ALKBH5: variants seen among roughly 807,000 people sequenced by gnomAD.
ALKBH5 encodes the protein RNA demethylase ALKBH5.
In ALKBH5, 2 loss-of-function variants were observed where a neutral mutation model predicts 32.1. The observed-to-expected ratio is 0.06, with a 90% CI of 0.03 to 0.20. The LOEUF is 0.20. Ranked by LOEUF, ALKBH5 falls within the 10% of genes least tolerant of loss-of-function variation. ALKBH5 has a pLI of 1.00. For missense variants in ALKBH5, 352 were observed against 559.5 expected, an observed-to-expected ratio of 0.63 and a Z score of 3.74; for synonymous variants, 300 against 231.7, an observed-to-expected ratio of 1.29 and a Z score of -2.68.
Position 18,208,435 on chromosome 17 carries a change from T to A in ALKBH5, c.*39T>A. ...CCTCCTGGGAACTCTGGCTCATCCT[T>A]ACGTAGTTGCCCCTCCTTTTGTTTT... On this transcript the variant is annotated 3_prime_UTR_variant, in exon 4 of 4. Transcript: ENST00000399138. The A allele has an allele frequency of 6.2e-7, 1 of 1,603,598 alleles. No individual in the cohort carries two copies.
rs201150139 is a variant in ALKBH5, at chr17:18,192,854, C to CTTT, written c.771-2080_771-2078dup. ...GTAGACATTCGTCCACTGTCTTTTT[C>CTTT]TTTTTTTTTTTTTTTTTTTTTTTGA... On this transcript the variant is annotated intron_variant, in intron 1 of 3. Transcript: ENST00000399138. 2.1e-3 allele frequency among the ~76,000 whole-genome samples: 241 copies of CTTT among 115,572 alleles called. 1 individual carries two copies. The highest frequency in any genetic ancestry group is 2.6e-3 in the Non-Finnish European group (154 of 58,416). The allele number at this position is 115,572 out of a possible 152,430, so 75.8% of individuals were successfully genotyped here. A position where few individuals can be genotyped will look rare whatever the true frequency, so the allele number is the denominator to read the frequency against.
At chr17:18,193,046 C>T (rs1489391181) in intron 1 of ALKBH5, among the ~76,000 whole-genome samples, 5 of 151,614 alleles carry the variant, frequency 3.3e-5, no homozygotes, top group South Asian at 2.1e-4. Context: ...TTTGTAGAGA[C>T]GGGGTTTCAC....
intron 2 of ALKBH5, among the ~76,000 whole-genome samples, chr17:18,198,023 T>G (rs536696240): frequency 1.8e-4 from 28 of 152,166 alleles, no homozygotes; most frequent in Non-Finnish European, 3.8e-4. Flanking sequence ...TGGGCATACC[T>G]TCTCATCTAA....
Position 18,206,958 on chromosome 17 carries a change from A to G in ALKBH5, c.995A>G (p.Asp332Gly). 6.2e-7 allele frequency: 1 copy of G among 1,614,228 alleles called. No homozygotes were observed. ...PKRSHRKADP[D>G]AAHRPRILEM... ...CGGTCCCACCGCAAGGCAGACCCTG[A>G]TGCTGCCCACAGGTACTCAGTTTAG... The change falls in exon 3 of 4, where the codon GAT becomes GGT. Residue 332 changes from aspartate to glycine, a missense_variant. Asp to Gly is a moderately conservative substitution (Grantham distance 94, BLOSUM62 -1). Around this residue, in one of 4 missense-constraint regions of ALKBH5, gnomAD observed 124 missense variants for 142.4 expected, o/e 0.87. Transcript: ENST00000399138.
At chr17:18,188,265 G>A (rs2047151577) in intron 1 of ALKBH5, among the ~76,000 whole-genome samples, 2 of 152,236 alleles carry the variant, frequency 1.3e-5, no homozygotes, top group Admixed American at 6.5e-5. Flanking sequence ...AAGGCTAATT[G>A]CTTACTTGCT....
chr17:18,208,520 T>C lies in ALKBH5; in HGVS notation c.*124T>C. On this transcript the variant is annotated 3_prime_UTR_variant, in exon 4 of 4. Coordinates refer to ENST00000399138, the MANE Select transcript of ALKBH5 (RefSeq NM_017758.4). ...TTTTTTGTTTTTTGTTTTTTTTGAT[T>C]CTATATATTTTTCCTTGGTTTTGTT... The C allele has an allele frequency of 2.6e-6, 3 of 1,168,012 alleles. No homozygotes were observed. Among genetic ancestry groups the C allele is most frequent in the South Asian group, 1.4e-5 (1 of 73,666 alleles). 72.4% of individuals were successfully genotyped at this position (1,168,012 alleles called of 1,614,324 possible). A position where few individuals can be genotyped will look rare whatever the true frequency, so the allele number is the denominator to read the frequency against.
At chr17:18,207,006 A>G (rs749528202) in intron 3 of ALKBH5, 36 bp downstream of exon 3, 4 of 1,605,240 alleles carry the variant, frequency 2.5e-6, no homozygotes, top group Non-Finnish European at 3.4e-6. Context: ...AGGCTGGCAA[A>G]GGCCTGGCTG....
chr17:18,198,545 A>G (rs750905013), intron 2 of ALKBH5, among the ~76,000 whole-genome samples: 1 of 152,192 alleles, frequency 6.6e-6, no homozygotes, highest in Non-Finnish European at 1.5e-5. Context: ...GTTGTGTTAC[A>G]GTGGGTAGAA....
rs1406160514 is a variant in ALKBH5 at position 18,185,130 on chromosome 17, T to C, written c.770+117T>C. 4.1e-6 allele frequency: 6 copies of C among 1,477,158 alleles called. No individual in the cohort carries two copies. In the African/African-American group the frequency reaches 8.4e-5, roughly 21 times the overall value. 91.5% of individuals were successfully genotyped at this position (1,477,158 alleles called of 1,614,324 possible). On this transcript the variant is annotated intron_variant, in intron 1 of 3. Coordinates refer to ENST00000399138, the MANE Select transcript of ALKBH5 (RefSeq NM_017758.4). The stretch of plus-strand genomic sequence containing the variant: ...TTTTTACAGTTCTGACCAGTTCTTC[T>C]GTTTGTAGATTGTAGGGAGCGAGAG...
chr17:18,206,283 T>G (rs1221578721), intron 2 of ALKBH5, among the ~76,000 whole-genome samples: 1 of 152,180 alleles, frequency 6.6e-6, no homozygotes. Context: ...CTGCTCATGG[T>G]TGTGGAGTGG....
In ALKBH5 at chr17:18,208,933, T is replaced by G. The variant is rs892024400; in HGVS notation, c.*537T>G. ...CCCTGCAAGCTCATGCAAACACCCT[T>G]TCTTCCTCCTGCGGCAGAGTTGTTC... On this transcript the variant is annotated 3_prime_UTR_variant, in exon 4 of 4. Coordinates refer to ENST00000399138, the MANE Select transcript of ALKBH5 (RefSeq NM_017758.4). 1 of 206,682 alleles carries G rather than the reference T, an allele frequency of 4.8e-6. No individual in the cohort carries two copies. Among genetic ancestry groups the G allele is most frequent in the East Asian group, 1.3e-4 (1 of 7,428 alleles). The allele number at this position is 206,682 out of a possible 1,614,324, so 12.8% of individuals were successfully genotyped here.
chr17:18,194,415 A>G (rs2047194775), intron 1 of ALKBH5, among the ~76,000 whole-genome samples: 1 of 152,192 alleles, frequency 6.6e-6, no homozygotes, highest in Non-Finnish European at 1.5e-5. Flanking sequence ...CGGCCTCCCA[A>G]AGTGCTAGGA....
intron 1 of ALKBH5, among the ~76,000 whole-genome samples, chr17:18,187,708 G>A (rs921832981): frequency 2.0e-5 from 3 of 152,134 alleles, no homozygotes; most frequent in Non-Finnish European, 4.4e-5. Context: ...AGTGCCCGTC[G>A]TCAAATCCTG....
At chr17:18,202,443 G>A (rs1393546338) in intron 2 of ALKBH5, among the ~76,000 whole-genome samples, 1 of 152,198 alleles carries the variant, frequency 6.6e-6, no homozygotes, top group African/African-American at 2.4e-5. Context: ...CCTGAGCTTT[G>A]TGGGAGTCTG....
chr17:18,199,245 G>A (rs1031954726), intron 2 of ALKBH5, among the ~76,000 whole-genome samples: 2 of 152,178 alleles, frequency 1.3e-5, no homozygotes, highest in African/African-American at 2.4e-5. Context: ...CCAGCCGACC[G>A]AGGGCAAGCT....
At chr17:18,201,786 G>GATAGATTA (rs200689873) in intron 2 of ALKBH5, among the ~76,000 whole-genome samples, 2 of 84,376 alleles carry the variant, frequency 2.4e-5, no homozygotes, top group African/African-American at 5.3e-5. Context: ...TAGATAGATA[G>GATAGATTA]GATAGATAAG....
intron 1 of ALKBH5, among the ~76,000 whole-genome samples, chr17:18,185,379 A>G (rs936663048): frequency 3.4e-5 from 5 of 145,512 alleles, no homozygotes; most frequent in Non-Finnish European, 7.6e-5. Flanking sequence ...TTCCATTTAC[A>G]AATCTATGCT....
intron 1 of ALKBH5, among the ~76,000 whole-genome samples, chr17:18,193,308 G>A (rs2047188075): frequency 6.6e-6 from 1 of 152,036 alleles, no homozygotes; most frequent in African/African-American, 2.4e-5. Context: ...AGCACTTTGG[G>A]AGGCCGAGGC....
chr17:18,185,213 C>T (rs1309298853), intron 1 of ALKBH5, among the ~76,000 whole-genome samples, 200 bp downstream of exon 1: 2 of 152,110 alleles, frequency 1.3e-5, no homozygotes, highest in Non-Finnish European at 2.9e-5. Context: ...TGTGGAAATC[C>T]TGTCCCCGAA....
Sources: allele counts gnomAD v4.1 joint callset (sites outside exome capture counted in the v4.1 genomes callset), GRCh38; gene constraint gnomAD v4.1.1; regional missense constraint gnomAD v4.1.1; transcripts MANE v1.5; gene names NCBI Gene and HGNC (gene_info 2026-07-23, HGNC 2026-07-21).